The following CHRM5 variants were observed in gnomAD, a reference collection of about 807,000 sequenced individuals.
The protein encoded by CHRM5 is muscarinic acetylcholine receptor M5.
A neutral mutation model predicts 39.0 loss-of-function variants in CHRM5; 18 were observed. The observed-to-expected ratio is 0.46, with a 90% CI of 0.32 to 0.68. CHRM5 has a LOEUF of 0.68. CHRM5 is among the 30% of genes least tolerant of loss of function. The pLI, the probability that CHRM5 is intolerant of heterozygous loss-of-function variation, is 0.04. For missense variants in CHRM5, 515 were observed against 651.1 expected (o/e 0.79, Z 2.28); for synonymous variants, 241 against 246.3 (o/e 0.98, Z 0.20).
intron 2 of CHRM5, among the ~76,000 whole-genome samples, chr15:34,056,406 A>G (rs572996311): frequency 6.6e-6 from 1 of 152,306 alleles, no homozygotes; most frequent in East Asian, 1.9e-4. Flanking sequence ...ATTCCACAGG[A>G]TATTAACAGA....
At chr15:34,007,608 C>T (rs577248538) in intron 1 of CHRM5, among the ~76,000 whole-genome samples, 1 of 152,224 alleles carries the variant, frequency 6.6e-6, no homozygotes, top group African/African-American at 2.4e-5. Context: ...TTACTCACTA[C>T]ACAATTCCAA....
At chr15:34,001,318 A>G (rs964638337) in intron 1 of CHRM5, among the ~76,000 whole-genome samples, 6 of 152,170 alleles carry the variant, frequency 3.9e-5, no homozygotes, top group Non-Finnish European at 7.4e-5. Flanking sequence ...CACCATGCCC[A>G]GCCTGGACTA....
chr15:34,020,453 A>G (rs1029587987), intron 1 of CHRM5, among the ~76,000 whole-genome samples: 1 of 152,208 alleles, frequency 6.6e-6, no homozygotes. Flanking sequence ...AAACAATACT[A>G]TTTCTCTTAA....
chr15:34,034,446 TAAAAAAA>T (rs34205777), intron 1 of CHRM5, among the ~76,000 whole-genome samples: 1 of 143,722 alleles, frequency 7.0e-6, no homozygotes, highest in Admixed American at 7.0e-5. Context: ...GTTTCTTTTT[TAAAAAAA>T]AAAAAAAAGG....
chr15:34,047,444 A>G (rs1899748977), intron 2 of CHRM5, among the ~76,000 whole-genome samples: 1 of 151,986 alleles, frequency 6.6e-6, no homozygotes, highest in Non-Finnish European at 1.5e-5. Context: ...ATCTGCACAT[A>G]CCCCTAGGAA....
chr15:33,989,748 CAATTAA>C (rs1484745972), intron 1 of CHRM5, among the ~76,000 whole-genome samples: 1 of 151,886 alleles, frequency 6.6e-6, no homozygotes, highest in Non-Finnish European at 1.5e-5. Flanking sequence ...TATCAACTTC[CAATTAA>C]ATATGACATT....
chr15:33,974,612 C>T (rs1895794495), intron 1 of CHRM5, among the ~76,000 whole-genome samples: 1 of 152,170 alleles, frequency 6.6e-6, no homozygotes, highest in Admixed American at 6.5e-5. Flanking sequence ...GCTCAGGGTA[C>T]ATGAATAATG....
chr15:33,994,530 T>A (rs865774049), intron 1 of CHRM5, among the ~76,000 whole-genome samples: 1 of 152,050 alleles, frequency 6.6e-6, no homozygotes, highest in Non-Finnish European at 1.5e-5. Context: ...TGTGGAAAAA[T>A]TGTCTTCCAC....
At chr15:34,058,204 C>T (rs909354217) in intron 2 of CHRM5, among the ~76,000 whole-genome samples, 10 of 152,158 alleles carry the variant, frequency 6.6e-5, no homozygotes, top group Admixed American at 3.3e-4. Context: ...CTACTGATTT[C>T]AGTATTAATC....
intron 1 of CHRM5, among the ~76,000 whole-genome samples, chr15:33,971,357 C>T (rs1408862687): frequency 2.6e-5 from 4 of 151,882 alleles, no homozygotes; most frequent in African/African-American, 4.8e-5. Context: ...AGAAATGGAG[C>T]AAATATTTTG....
intron 1 of CHRM5, among the ~76,000 whole-genome samples, chr15:33,975,602 G>T (rs2140508103): frequency 6.6e-6 from 1 of 152,334 alleles, no homozygotes; most frequent in African/African-American, 2.4e-5. Flanking sequence ...ATAGAACTCA[G>T]AATTCAGTGT....
At chr15:34,020,469 G>A (rs1217529791) in intron 1 of CHRM5, among the ~76,000 whole-genome samples, 1 of 152,204 alleles carries the variant, frequency 6.6e-6, no homozygotes, top group African/African-American at 2.4e-5. Flanking sequence ...CTTAAAGCAT[G>A]TAGATCATCT....
At chr15:34,046,911 T>A (rs951122049) in intron 2 of CHRM5, 40 bp downstream of exon 2, 3 of 152,308 alleles carry the variant, frequency 2.0e-5, no homozygotes, top group Non-Finnish European at 4.4e-5. Context: ...ACCACATTTC[T>A]CCCACAGGTC....
chr15:34,007,149 A>T, intron 1 of CHRM5: 2 of 593,700 alleles, frequency 3.4e-6, no homozygotes, highest in Non-Finnish European at 4.2e-6. Context: ...CCGAGCTATT[A>T]TCTTGTCCAA....
Position 34,064,411 on chromosome 15 carries a change from G to T in CHRM5, c.*95G>T. The T allele has an allele frequency of 7.1e-6, 10 of 1,400,118 alleles. No homozygotes were observed. The highest frequency in any genetic ancestry group is 9.5e-6 in the Non-Finnish European group (10 of 1,052,930). 86.7% of individuals were successfully genotyped at this position (1,400,118 alleles called of 1,614,324 possible). A position where few individuals can be genotyped will look rare whatever the true frequency, so the allele number is the denominator to read the frequency against. ...CTGGTTTGTATATTTTCAAAAAGAA[G>T]ACATCTCATTTTGAGTCCTTGAAGA... On this transcript the variant is annotated 3_prime_UTR_variant, in exon 3 of 3. Transcript: ENST00000383263.
intron 1 of CHRM5, among the ~76,000 whole-genome samples, chr15:33,977,486 G>A (rs1242785327): frequency 6.6e-6 from 1 of 152,120 alleles, no homozygotes; most frequent in Non-Finnish European, 1.5e-5. Context: ...TTTGTTAGGA[G>A]GCTATGACAG....
intron 1 of CHRM5, among the ~76,000 whole-genome samples, chr15:34,002,435 C>T (rs1311339963): frequency 2.6e-5 from 4 of 152,118 alleles, no homozygotes; most frequent in Admixed American, 2.6e-4. Context: ...CCCAGCACTC[C>T]TCCATTCTTC....
intron 1 of CHRM5, chr15:34,006,929 C>T: frequency 2.7e-6 from 1 of 372,432 alleles, no homozygotes; most frequent in Non-Finnish European, 3.7e-6. Context: ...AGAAAAAGAA[C>T]AGAGCAAATA....
chr15:34,033,779 T>G (rs1898975164), intron 1 of CHRM5, among the ~76,000 whole-genome samples: 1 of 151,016 alleles, frequency 6.6e-6, no homozygotes, highest in African/African-American at 2.4e-5. Context: ...TACTAAAGAG[T>G]TGGGTTTTGT....
Sources: gnomAD v4.1 joint callset for allele counts (sites outside exome capture counted in the v4.1 genomes callset) on GRCh38, gnomAD v4.1.1 for gene constraint, MANE v1.5 for transcripts, NCBI Gene and HGNC (gene_info 2026-07-23, HGNC 2026-07-21) for gene names.